The following SLC36A4 variants were observed in gnomAD, a reference collection of about 807,000 sequenced individuals.
The protein encoded by SLC36A4 is neutral amino acid uniporter 4.
In SLC36A4, 49 loss-of-function variants were observed where a neutral mutation model predicts 50.5. The ratio of observed to expected loss-of-function variants is 0.97; its 90% CI spans 0.77 to 1.23. The LOEUF is 1.23. SLC36A4 is among the 50% of genes most tolerant of loss of function. The probability of loss-of-function intolerance (pLI) is 0.00; values close to 1 mark genes in which losing one functional copy is unlikely to be tolerated. For missense variants in SLC36A4, 611 were observed against 608.4 expected, an observed-to-expected ratio of 1.00 and a Z score of -0.05; for synonymous variants, 207 against 206.5, an observed-to-expected ratio of 1.00 and a Z score of -0.02.
intron 1 of SLC36A4, among the ~76,000 whole-genome samples, chr11:93,187,693 G>C (rs1364440022): frequency 6.6e-6 from 1 of 152,172 alleles, no homozygotes; most frequent in African/African-American, 2.4e-5. Context: ...TCACTATAGT[G>C]AAGTTCAGTT....
At chr11:93,194,999 T>C (rs564576816) in intron 1 of SLC36A4, among the ~76,000 whole-genome samples, 1 of 152,246 alleles carries the variant, frequency 6.6e-6, no homozygotes, top group East Asian at 1.9e-4. Flanking sequence ...TTATGGCTAT[T>C]GTCCGGAGCC....
At chr11:93,174,132 G>A (rs1166374688) in intron 6 of SLC36A4, among the ~76,000 whole-genome samples, 1 of 150,226 alleles carries the variant, frequency 6.7e-6, no homozygotes, top group Admixed American at 6.6e-5. Context: ...TTGAGCAGTG[G>A]TTTGTAGTTC....
In SLC36A4 at chr11:93,180,693, G is replaced by A. The variant is rs917845750; in HGVS notation, c.540+104C>T. On this transcript the variant is annotated intron_variant, in intron 6 of 10. Coordinates refer to ENST00000326402, the MANE Select transcript of SLC36A4 (RefSeq NM_152313.4). Reference sequence around the variant, plus strand: ...TTATAAAGGAAGATCATTTATGAAAGGAACACATTTTCAAATTCAACTGTG... The same window carrying A: ...TTATAAAGGAAGATCATTTATGAAAAGAACACATTTTCAAATTCAACTGTG... 1.3e-5 allele frequency: 10 copies of A among 794,960 alleles called. No homozygotes were observed. In the Middle Eastern group the frequency reaches 1.4e-3, roughly 114 times the overall value. The allele number at this position is 794,960 out of a possible 1,614,324, so 49.2% of individuals were successfully genotyped here.
At chr11:93,183,361 A>G (rs1861821898) in intron 3 of SLC36A4, among the ~76,000 whole-genome samples, 1 of 152,224 alleles carries the variant, frequency 6.6e-6, no homozygotes, top group Non-Finnish European at 1.5e-5. Context: ...ATTATTTCAA[A>G]AAGTAGTAAA....
At chr11:93,180,775 C>T (rs1590973441) in intron 6 of SLC36A4, 22 bp downstream of exon 6, 1 of 1,550,638 alleles carries the variant, frequency 6.4e-7, no homozygotes, top group Non-Finnish European at 8.9e-7. Context: ...AATGATTTCA[C>T]TAACTGGAGA....
At chr11:93,184,343 GTT>G in intron 3 of SLC36A4, 85 bp downstream of exon 3, 1 of 807,136 alleles carries the variant, frequency 1.2e-6, no homozygotes, top group Admixed American at 2.1e-5. Context: ...ACCTTACCAG[GTT>G]ATATTTGACT....
chr11:93,180,163 G>A, intron 6 of SLC36A4: 1 of 980,050 alleles, frequency 1.0e-6, no homozygotes, highest in Non-Finnish European at 1.2e-6. Flanking sequence ...AGGGGATAAT[G>A]TAGGAATAAT....
rs188395070 is a variant in SLC36A4 at position 93,158,141 on chromosome 11, T to C, written c.1038-3864A>G. Among the ~76,000 whole-genome samples the C allele has an allele frequency of 2.0e-5, 3 of 152,304 alleles. No individual in the cohort carries two copies. The East Asian group carries it at 5.8e-4, about 29-fold the overall frequency. ...TTTAAAAATTAGCTAAGGATGTATT[T>C]CTCAGCTTGAGGCTTAAAGGTTACA... On this transcript the variant is annotated intron_variant, in intron 9 of 10. Transcript: ENST00000326402.
intron 1 of SLC36A4, among the ~76,000 whole-genome samples, chr11:93,196,941 A>T (rs1305953075): frequency 6.6e-6 from 1 of 152,232 alleles, no homozygotes; most frequent in Non-Finnish European, 1.5e-5. Context: ...ATAAAATGTT[A>T]AGTTTATTGT....
rs574114561 is a variant in SLC36A4, at chr11:93,146,831, T to G, written c.*1706A>C. On this transcript the variant is annotated 3_prime_UTR_variant, in exon 11 of 11. Transcript: ENST00000326402. ...TTTTCCCCACTAACTGAGAGATTCTTTATCTTGGTTAATAACTTGAAAAAT... is the reference window on the plus strand; with the variant it reads ...TTTTCCCCACTAACTGAGAGATTCTGTATCTTGGTTAATAACTTGAAAAAT... 1.2e-4 allele frequency: 19 copies of G among 152,222 alleles called. No homozygotes were observed. The highest frequency in any genetic ancestry group is 2.6e-4 in the Non-Finnish European group (18 of 67,988). The allele number at this position is 152,222 out of a possible 1,614,324, so 9.4% of individuals were successfully genotyped here.
chr11:93,190,524 T>A (rs568918098), intron 1 of SLC36A4, among the ~76,000 whole-genome samples: 1 of 152,230 alleles, frequency 6.6e-6, no homozygotes, highest in African/African-American at 2.4e-5. Flanking sequence ...AAAAATTTTT[T>A]TTATTGAATT....
chr11:93,162,796 G>T lies in SLC36A4; in HGVS notation c.947C>A (p.Thr316Asn). The change falls in exon 9 of 11, where the codon ACT becomes AAT. Residue 316 changes from threonine (T) to asparagine (N), a missense_variant. By Grantham distance (65) the Thr-to-Asn change is moderately conservative. Transcript: ENST00000326402. ...ALNIGMGIVTTLYVTLATLGY... is the reference protein window; with the variant it reads ...ALNIGMGIVTNLYVTLATLGY... ...TAAAGTAGCTAATGTTACATACAAA[G>T]TTGTAACAATCCCCATGCCAATATT... 1 of 1,613,080 alleles carries T rather than the reference G, an allele frequency of 6.2e-7. No homozygotes were observed. Among genetic ancestry groups the T allele is most frequent in the Non-Finnish European group, 8.5e-7 (1 of 1,179,306 alleles).
intron 1 of SLC36A4, among the ~76,000 whole-genome samples, chr11:93,192,380 G>T (rs1362041285): frequency 6.6e-6 from 1 of 152,130 alleles, no homozygotes; most frequent in East Asian, 1.9e-4. Flanking sequence ...GAATGAGTGC[G>T]GGGGAGGAGT....
intron 10 of SLC36A4, chr11:93,152,585 A>G (rs1860145580): frequency 6.6e-6 from 1 of 152,140 alleles, no homozygotes. Context: ...TGTGCTATGA[A>G]CTAAGCCCCT....
At chr11:93,151,902 T>C (rs1457330731) in intron 10 of SLC36A4, among the ~76,000 whole-genome samples, 1 of 152,044 alleles carries the variant, frequency 6.6e-6, no homozygotes. Flanking sequence ...GGTATTTATG[T>C]CCATGGTGAC....
chr11:93,177,810 C>A (rs1861553865), intron 6 of SLC36A4, among the ~76,000 whole-genome samples: 1 of 152,212 alleles, frequency 6.6e-6, no homozygotes, highest in Non-Finnish European at 1.5e-5. Context: ...AGTTAGGCTA[C>A]TCCGGGGTCA....
At chr11:93,159,631 T>C (rs1860530252) in intron 9 of SLC36A4, among the ~76,000 whole-genome samples, 1 of 152,216 alleles carries the variant, frequency 6.6e-6, no homozygotes, top group Non-Finnish European at 1.5e-5. Flanking sequence ...ACTATGGTTA[T>C]GTAGCATTTA....
chr11:93,190,758 A>T (rs1446965425), intron 1 of SLC36A4, among the ~76,000 whole-genome samples: 1 of 152,120 alleles, frequency 6.6e-6, no homozygotes, highest in Non-Finnish European at 1.5e-5. Flanking sequence ...TTTGAGACAG[A>T]GTCTCACTCT....
chr11:93,174,760 G>C (rs1590962801), intron 6 of SLC36A4, among the ~76,000 whole-genome samples: 1 of 145,992 alleles, frequency 6.8e-6, no homozygotes. Context: ...TTATTGATTT[G>C]CATATATTGA....
Sources: gnomAD v4.1 joint callset for allele counts (sites outside exome capture counted in the v4.1 genomes callset) on GRCh38, gnomAD v4.1.1 for gene constraint, MANE v1.5 for transcripts, NCBI Gene and HGNC (gene_info 2026-07-23, HGNC 2026-07-21) for gene names.